PTPRA: variants seen among roughly 807,000 people sequenced by gnomAD.
PTPRA encodes the protein receptor-type tyrosine-protein phosphatase alpha.
In PTPRA, 25 loss-of-function variants were observed where a neutral mutation model predicts 104.8. The ratio of observed to expected loss-of-function variants is 0.24; its 90% confidence interval spans 0.17 to 0.33. PTPRA has a LOEUF of 0.33. Ranked by LOEUF, PTPRA falls within the 10% of genes least tolerant of loss-of-function variation. The probability of loss-of-function intolerance (pLI) is 1.00; values close to 1 mark genes in which losing one functional copy is unlikely to be tolerated. For synonymous variants in PTPRA, 323 were observed against 368.9 expected, an observed-to-expected ratio of 0.88 and a Z score of 1.43; for missense variants, 765 against 1,015.3, an observed-to-expected ratio of 0.75 and a Z score of 3.35.
chr20:2,973,672 C>T (rs933054221), intron 5 of PTPRA, among the ~76,000 whole-genome samples: 2 of 152,152 alleles, frequency 1.3e-5, no homozygotes, highest in African/African-American at 4.8e-5. Context: ...GAATAGGGGC[C>T]ATTTCTCTTC....
intron 9 of PTPRA, among the ~76,000 whole-genome samples, chr20:2,993,408 G>A (rs1192213590): frequency 6.6e-6 from 1 of 152,166 alleles, no homozygotes; most frequent in Non-Finnish European, 1.5e-5. Flanking sequence ...TCACATTGAT[G>A]TCATTAGCAT....
intron 3 of PTPRA, among the ~76,000 whole-genome samples, chr20:2,954,664 T>C (rs2061473570): frequency 6.6e-6 from 1 of 152,222 alleles, no homozygotes; most frequent in Non-Finnish European, 1.5e-5. Context: ...TTCATTCTGT[T>C]ATAGTATCCT....
At chr20:2,988,965 G>T (rs1805006054) in intron 9 of PTPRA, among the ~76,000 whole-genome samples, 2 of 152,238 alleles carry the variant, frequency 1.3e-5, no homozygotes, top group South Asian at 2.1e-4. Flanking sequence ...GGGTGTCAGT[G>T]TTTAAAGTAG....
chr20:2,924,947 G>A (rs2060239990), intron 2 of PTPRA, among the ~76,000 whole-genome samples: 1 of 152,102 alleles, frequency 6.6e-6, no homozygotes, highest in Admixed American at 6.6e-5. Context: ...CCAAAGTGCT[G>A]GGATTACAGG....
intron 5 of PTPRA, among the ~76,000 whole-genome samples, chr20:2,966,797 C>G (rs1057448682): frequency 1.3e-5 from 2 of 152,184 alleles, no homozygotes; most frequent in Non-Finnish European, 2.9e-5. Context: ...CAGGCCACCA[C>G]TAGTTGTTTG....
intron 1 of PTPRA, among the ~76,000 whole-genome samples, chr20:2,920,218 G>C (rs572314383): frequency 6.6e-6 from 1 of 152,218 alleles, no homozygotes; most frequent in African/African-American, 2.4e-5. Context: ...AGAGGTACTT[G>C]TGAATATGCA....
intron 20 of PTPRA, among the ~76,000 whole-genome samples, chr20:3,028,952 G>A (rs1167411096): frequency 6.6e-6 from 1 of 152,102 alleles, no homozygotes; most frequent in East Asian, 1.9e-4. Context: ...ATTAAGGATG[G>A]CACCCACTCA....
At chr20:2,963,604 A>G (rs1408147535) in intron 3 of PTPRA, among the ~76,000 whole-genome samples, 2 of 152,112 alleles carry the variant, frequency 1.3e-5, no homozygotes, top group Admixed American at 1.3e-4. Context: ...AAAAAAAAAT[A>G]AAAAAGGAGT....
chr20:3,030,220 A>G (rs924077968), intron 20 of PTPRA, among the ~76,000 whole-genome samples: 27 of 152,190 alleles, frequency 1.8e-4, no homozygotes, highest in Non-Finnish European at 1.5e-5. Flanking sequence ...TAGTGAGAGT[A>G]AAGGGCAGGG....
chr20:2,923,485 C>CT lies in PTPRA; in HGVS notation c.-50+211dup, dbSNP rs1161122006. Among the ~76,000 whole-genome samples the CT allele has an allele frequency of 1.8e-3, 257 of 146,702 alleles. 2 individuals are homozygous for CT. Among genetic ancestry groups the CT allele is most frequent in the East Asian group, 0.011 (55 of 5,052 alleles). ...TTATGAATCAGAATCACTTGAAGAG[C>CT]TTTTTTTTTTTAAAAAAAAAGACCA... On this transcript the variant is annotated intron_variant, in intron 2 of 23. Coordinates refer to ENST00000399903, the MANE Select transcript of PTPRA (RefSeq NM_001385305.1).
chr20:2,898,749 T>A (rs983439591), intron 1 of PTPRA, among the ~76,000 whole-genome samples: 11 of 151,786 alleles, frequency 7.2e-5, no homozygotes, highest in Non-Finnish European at 7.4e-5. Context: ...TCCCAGCTGC[T>A]AGGGAGGCTG....
chr20:3,003,785 G>C (rs1490443722), intron 9 of PTPRA, among the ~76,000 whole-genome samples: 1 of 146,586 alleles, frequency 6.8e-6, no homozygotes, highest in Non-Finnish European at 1.5e-5. Context: ...GCCTCAAGTA[G>C]TCCTCCCACC....
intron 6 of PTPRA, among the ~76,000 whole-genome samples, chr20:2,982,314 C>G (rs1255170934): frequency 6.6e-6 from 1 of 152,092 alleles, no homozygotes; most frequent in East Asian, 1.9e-4. Flanking sequence ...GTCTTGAACT[C>G]CTGACCTTGT....
chr20:2,958,773 G>T (rs948951207), intron 3 of PTPRA, among the ~76,000 whole-genome samples: 4 of 150,560 alleles, frequency 2.7e-5, no homozygotes, highest in Non-Finnish European at 1.5e-5. Flanking sequence ...CTTGAACCTA[G>T]GAGGCGGAGG....
chr20:3,032,571 G>T (rs12053618), intron 20 of PTPRA, among the ~76,000 whole-genome samples: 11,879 of 151,122 alleles, frequency 0.079, 570 homozygotes, highest in African/African-American at 0.11. Context: ...ATCGAGACCA[G>T]CCTGGCCAAC....
rs1229827114 is a variant in PTPRA, at chr20:3,035,618, C to T, written c.1954C>T (p.Leu652=). ...KCAQYWPSDG[L]VSYGDITVEL... ...TGCCCAGTACTGGCCATCTGATGGA[C>T]TGGTGTCCTATGGAGATATTACAGT... The change falls in exon 21 of 24, where the codon CTG becomes TTG. Residue 652 remains leucine, a synonymous_variant. Transcript: ENST00000399903. The surrounding 1 kb of genome is among the most constrained non-coding windows in gnomAD (Gnocchi z 5.8). 6.2e-7 allele frequency: 1 copy of T among 1,613,276 alleles called. No homozygotes were observed. The highest frequency in any genetic ancestry group is 8.5e-7 in the Non-Finnish European group (1 of 1,179,342).
intron 18 of PTPRA, 87 bp downstream of exon 18, chr20:3,026,867 A>G (rs1444783434): frequency 1.7e-6 from 2 of 1,185,824 alleles, no homozygotes; most frequent in African/African-American, 1.5e-5. Context: ...CTAGTTAATG[A>G]TTGGCGTATA....
At chr20:2,939,578 G>A (rs2060829805) in intron 2 of PTPRA, among the ~76,000 whole-genome samples, 1 of 152,162 alleles carries the variant, frequency 6.6e-6, no homozygotes, top group Admixed American at 6.5e-5. Flanking sequence ...CCTAGAGAGG[G>A]CAGGCTTTTC....
In PTPRA at chr20:3,015,855, C is replaced by A; in HGVS notation, c.913C>A (p.Gln305Lys). The A allele has an allele frequency of 6.4e-7, 1 of 1,559,272 alleles. No individual in the cohort carries two copies. The highest frequency in any genetic ancestry group is 1.1e-5 in the South Asian group (1 of 89,492). ...YINASFINGY[Q>K]EKNKFIAAQG... ...TTCCTTCCCCACACCCCAGGGCTAC[C>A]AAGAAAAGAACAAATTCATTGCTGC... is the stretch of plus-strand genomic sequence containing the variant. Residue 305 changes from glutamine to lysine, a missense_variant, in exon 12 of 24, where the codon CAA becomes AAA. Transcript: ENST00000399903.
Sources: allele counts gnomAD v4.1 joint callset (sites outside exome capture counted in the v4.1 genomes callset), GRCh38; gene constraint gnomAD v4.1.1; non-coding constraint Gnocchi (gnomAD v3.1); transcripts MANE v1.5; gene names NCBI Gene and HGNC (gene_info 2026-07-23, HGNC 2026-07-21).